GPHN: variants seen among roughly 807,000 people sequenced by gnomAD.
GPHN encodes the protein gephyrin.
A neutral mutation model predicts 95.5 loss-of-function variants in GPHN; 17 were observed. The ratio of observed to expected loss-of-function variants is 0.18; its 90% confidence interval spans 0.12 to 0.27. The LOEUF (loss-of-function observed/expected upper bound fraction) is 0.27, where lower values mean the gene tolerates loss of function less well. Among genes scored for constraint, GPHN ranks in the 10% least tolerant of loss-of-function variants. The pLI, the probability that GPHN is intolerant of heterozygous loss-of-function variation, is 1.00. For missense variants in GPHN, 660 were observed against 978.1 expected (o/e 0.67, Z 4.34); for synonymous variants, 320 against 322.5 (o/e 0.99, Z 0.08).
chr14:66,941,684 A>T (rs1284529343), intron 8 of GPHN, among the ~76,000 whole-genome samples: 1 of 129,912 alleles, frequency 7.7e-6, no homozygotes, highest in Non-Finnish European at 1.8e-5. Context: ...AAGCCTTGGT[A>T]AAAAAAAAAA....
chr14:66,905,991 G>C (rs141878567), intron 5 of GPHN, among the ~76,000 whole-genome samples: 2 of 142,312 alleles, frequency 1.4e-5, no homozygotes, highest in Non-Finnish European at 1.5e-5. Context: ...TTGATTCGAG[G>C]CTTTTTTTTT....
chr14:67,525,117 A>G, the GPHN span, among the ~76,000 whole-genome samples: 73 of 152,348 alleles, frequency 4.8e-4, no homozygotes, highest in African/African-American at 1.4e-3. Context: ...AAATGCTTAC[A>G]TAATATAGAA....
intron 2 of GPHN, among the ~76,000 whole-genome samples, chr14:66,774,002 T>G (rs1355680278): frequency 2.1e-5 from 2 of 94,228 alleles, no homozygotes; most frequent in Non-Finnish European, 5.2e-5. Context: ...AGTTTTTTTT[T>G]TTTTTTTTTT....
At chr14:67,032,032 G>A (rs1246779346) in intron 10 of GPHN, among the ~76,000 whole-genome samples, 1 of 152,120 alleles carries the variant, frequency 6.6e-6, no homozygotes, top group Non-Finnish European at 1.5e-5. Flanking sequence ...AAAAAAGGTT[G>A]TTGCAATACC....
At chr14:66,825,761 A>G (rs1441962814) in intron 4 of GPHN, among the ~76,000 whole-genome samples, 5 of 152,240 alleles carry the variant, frequency 3.3e-5, no homozygotes, top group Non-Finnish European at 7.3e-5. Flanking sequence ...CTTTTAAAGC[A>G]ATCAAAATCG....
intron 17 of GPHN, among the ~76,000 whole-genome samples, chr14:67,128,752 T>C (rs986589289): frequency 6.6e-6 from 1 of 151,580 alleles, no homozygotes; most frequent in Non-Finnish European, 1.5e-5. Flanking sequence ...CTGGCCAGTA[T>C]GGTGAAACGC....
chr14:67,131,985 C>T (rs1761427108), intron 17 of GPHN, among the ~76,000 whole-genome samples: 1 of 152,082 alleles, frequency 6.6e-6, no homozygotes, highest in Non-Finnish European at 1.5e-5. Flanking sequence ...AAGATTTCCC[C>T]CTTCTGGAAA....
chr14:67,042,414 A>G (rs2074757562), intron 10 of GPHN, among the ~76,000 whole-genome samples: 1 of 152,174 alleles, frequency 6.6e-6, no homozygotes, highest in Admixed American at 6.5e-5. Flanking sequence ...TATAAGGTGT[A>G]AGGAAGGTGT....
chr14:67,478,963 G>T, the GPHN span, among the ~76,000 whole-genome samples: 4 of 152,154 alleles, frequency 2.6e-5, no homozygotes, highest in Admixed American at 1.3e-4. Flanking sequence ...ATTCTGCAAA[G>T]GCATGCATAT....
chr14:67,391,229 C>T, the GPHN span, among the ~76,000 whole-genome samples: 2 of 151,476 alleles, frequency 1.3e-5, no homozygotes, highest in East Asian at 1.9e-4. Flanking sequence ...AAGCAAGAAA[C>T]GATCAATTAT....
intron 3 of GPHN, among the ~76,000 whole-genome samples, chr14:66,806,986 A>G (rs994549319): frequency 2.0e-5 from 3 of 152,174 alleles, no homozygotes; most frequent in African/African-American, 7.2e-5. Flanking sequence ...TTTTCACACT[A>G]TTGATAAAGA....
chr14:67,353,820 GCT>G, the GPHN span: 8 of 152,070 alleles, frequency 5.3e-5, no homozygotes, highest in Admixed American at 4.6e-4. Flanking sequence ...ATGGGGTCTT[GCT>G]CTGTCACCCA....
chr14:67,020,047 A>C (rs1051339864), intron 9 of GPHN, among the ~76,000 whole-genome samples: 3 of 152,146 alleles, frequency 2.0e-5, no homozygotes, highest in Non-Finnish European at 4.4e-5. Flanking sequence ...TGCATCTTTC[A>C]CTGTTAAAGC....
chr14:66,928,810 T>A (rs1205020343), intron 8 of GPHN, among the ~76,000 whole-genome samples: 1 of 152,158 alleles, frequency 6.6e-6, no homozygotes, highest in Non-Finnish European at 1.5e-5. Context: ...TTAATTTCCG[T>A]ATGTTTGTAT....
At chr14:67,221,883 A>C in the GPHN span, 7 of 1,567,702 alleles carry the variant, frequency 4.5e-6, 1 homozygote, top group South Asian at 8.2e-5. Flanking sequence ...CTAGAAGAGT[A>C]GTGTGGCTAA....
At chr14:67,193,294 C>CTATCTATATATCTCTATATAGA in the GPHN span, among the ~76,000 whole-genome samples, 218 of 134,374 alleles carry the variant, frequency 1.6e-3, no homozygotes, top group African/African-American at 4.0e-3. Context: ...ATATAGACAT[C>CTATCTATATATCTCTATATAGA]TATCTATATA....
At chr14:67,037,263 T>C (rs919216907) in intron 10 of GPHN, among the ~76,000 whole-genome samples, 1 of 151,988 alleles carries the variant, frequency 6.6e-6, no homozygotes, top group Non-Finnish European at 1.5e-5. Flanking sequence ...CCTTATCTTA[T>C]ACCATGCACA....
chr14:66,847,766 T>C (rs2062396612), intron 4 of GPHN, among the ~76,000 whole-genome samples: 3 of 152,156 alleles, frequency 2.0e-5, no homozygotes, highest in Admixed American at 2.0e-4. Context: ...GTGAAACTTT[T>C]GTGAAGTTTC....
intron 8 of GPHN, among the ~76,000 whole-genome samples, chr14:66,950,313 T>G (rs2068026982): frequency 6.6e-6 from 1 of 152,190 alleles, no homozygotes; most frequent in Non-Finnish European, 1.5e-5. Flanking sequence ...TCAAGGTAGA[T>G]CCTCACTACT....
Sources: allele counts gnomAD v4.1 joint callset (sites outside exome capture counted in the v4.1 genomes callset), GRCh38; gene constraint gnomAD v4.1.1; transcripts MANE v1.5; gene names NCBI Gene and HGNC (gene_info 2026-07-23, HGNC 2026-07-21).